The following DDIAS variants were observed in gnomAD, a reference collection of about 807,000 sequenced individuals.
DDIAS encodes DNA damage-induced apoptosis suppressor protein.
In DDIAS, 14 loss-of-function variants were observed where a neutral mutation model predicts 15.7. The observed-to-expected ratio is 0.89, with a 90% CI of 0.59 to 1.39. DDIAS has a LOEUF of 1.39. DDIAS is among the 40% of genes most tolerant of loss of function. The pLI, the probability that DDIAS is intolerant of heterozygous loss-of-function variation, is 0.00. For synonymous variants in DDIAS, 355 were observed against 395.9 expected (o/e 0.90, Z 1.23); for missense variants, 1,035 against 1,130.9 (o/e 0.92, Z 1.22).
At chr11:82,923,279 C>T (rs1165830324) in intron 3 of DDIAS, among the ~76,000 whole-genome samples, 1 of 152,236 alleles carries the variant, frequency 6.6e-6, no homozygotes, top group East Asian at 1.9e-4. Flanking sequence ...AATCCTGGTG[C>T]TTATCTTTTC....
At chr11:82,929,643 G>A (rs1005338191) in intron 4 of DDIAS, among the ~76,000 whole-genome samples, 1 of 149,154 alleles carries the variant, frequency 6.7e-6, no homozygotes, top group African/African-American at 2.5e-5. Flanking sequence ...GGCAGAGCTT[G>A]TAGTGAGCCA....
intron 3 of DDIAS, among the ~76,000 whole-genome samples, 178 bp from the exon 4 acceptor site, chr11:82,928,599 A>G (rs1860918310): frequency 6.6e-6 from 1 of 152,146 alleles, no homozygotes; most frequent in South Asian, 2.1e-4. Context: ...CAGTAACGCT[A>G]ACTATTCTGA....
intron 3 of DDIAS, among the ~76,000 whole-genome samples, chr11:82,922,917 A>G (rs1303627090): frequency 1.3e-5 from 2 of 152,054 alleles, no homozygotes; most frequent in Non-Finnish European, 2.9e-5. Flanking sequence ...TTTCCTATGG[A>G]TGTAGCTTCC....
chr11:82,928,121 A>G (rs1245393612), intron 3 of DDIAS, among the ~76,000 whole-genome samples: 2 of 150,188 alleles, frequency 1.3e-5, no homozygotes, highest in Non-Finnish European at 3.0e-5. Context: ...GAAAAATGCA[A>G]TTAAGTGCTT....
chr11:82,928,177 C>CTTTT (rs541845327), intron 3 of DDIAS, among the ~76,000 whole-genome samples: 379 of 34,218 alleles, frequency 0.011, 102 homozygotes, highest in Non-Finnish European at 0.016. Context: ...TTTTTGTCCT[C>CTTTT]TTTTTTTTTT....
At chr11:82,923,136 G>A (rs1055767768) in intron 3 of DDIAS, among the ~76,000 whole-genome samples, 1 of 152,130 alleles carries the variant, frequency 6.6e-6, no homozygotes, top group Non-Finnish European at 1.5e-5. Context: ...AGGGTCTGTG[G>A]GTCCTCTTGG....
intron 5 of DDIAS, 37 bp from the exon 6 acceptor site, chr11:82,931,694 AT>A: frequency 6.6e-7 from 1 of 1,523,730 alleles, no homozygotes; most frequent in Non-Finnish European, 8.8e-7. Context: ...ATGGAAGACA[AT>A]TTTATTCTTA....
chr11:82,912,084 G>A (rs1157801284), intron 1 of DDIAS, among the ~76,000 whole-genome samples: 2 of 152,182 alleles, frequency 1.3e-5, no homozygotes, highest in Admixed American at 6.5e-5. Flanking sequence ...CACAAGCAGA[G>A]TAGATTCAGC....
At chr11:82,920,728 G>T (rs1860729725) in intron 3 of DDIAS, among the ~76,000 whole-genome samples, 1 of 152,058 alleles carries the variant, frequency 6.6e-6, no homozygotes. Context: ...TTCCACTATG[G>T]CCTGAGAGAG....
rs772553267 is a variant in DDIAS, at chr11:82,932,406, C to T, written c.1068C>T (p.Phe356=). 6.2e-7 allele frequency: 1 copy of T among 1,614,120 alleles called. No homozygotes were observed. The highest frequency in any genetic ancestry group is 8.5e-7 in the Non-Finnish European group (1 of 1,180,010). The change falls in exon 6 of 6, where the codon TTC becomes TTT. Residue 356 remains phenylalanine, a synonymous_variant. Coordinates refer to ENST00000533655, the MANE Select transcript of DDIAS (RefSeq NM_145018.4). ...EPLESSNTKS[F]HSAVEIKNRS... is the part of the protein sequence containing the mutation. ...TTGAGTCAAGTAATACAAAATCCTT[C>T]CACAGTGCAGTGGAAATTAAAAATA...
chr11:82,903,714 A>G (rs1445135412), intron 1 of DDIAS, among the ~76,000 whole-genome samples: 1 of 152,204 alleles, frequency 6.6e-6, no homozygotes, highest in East Asian at 1.9e-4. Flanking sequence ...GTGCCATTGG[A>G]GGAGACCATT....
Position 82,933,787 on chromosome 11 carries a change from C to T in DDIAS, c.2449C>T (p.Gln817Ter), listed in dbSNP as rs1861056566. The change falls in exon 6 of 6, where the codon CAG becomes TAG. Residue 817 changes from glutamine to a stop codon, truncating the protein, a stop_gained. Coordinates refer to ENST00000533655, the MANE Select transcript of DDIAS (RefSeq NM_145018.4). LOFTEE classifies it low-confidence loss of function (END_TRUNC). ...AAGGATTTTCCCTGAAAATGACAAA[C>T]AGCAAGCCAGCCCAAGCTGTCCAAA... ...KIRIFPENDK[Q>*]QASPSCPKNI... is the part of the protein sequence containing the mutation. The T allele has an allele frequency of 3.1e-6, 5 of 1,612,014 alleles. No homozygotes were observed. In the East Asian group the frequency reaches 8.9e-5, roughly 29 times the overall value.
chr11:82,926,184 A>G (rs1191138626), intron 3 of DDIAS, among the ~76,000 whole-genome samples: 1 of 149,344 alleles, frequency 6.7e-6, no homozygotes, highest in Non-Finnish European at 1.5e-5. Context: ...CTGCCGCCTG[A>G]GCTCAAGCAA....
chr11:82,912,892 T>C (rs1428701831), intron 1 of DDIAS, among the ~76,000 whole-genome samples: 1 of 152,144 alleles, frequency 6.6e-6, no homozygotes, highest in Admixed American at 6.5e-5. Flanking sequence ...AATTTCAATA[T>C]TGTTGTGTCT....
At chr11:82,908,027 T>C (rs1361595452) in intron 1 of DDIAS, among the ~76,000 whole-genome samples, 1 of 152,108 alleles carries the variant, frequency 6.6e-6, no homozygotes, top group Non-Finnish European at 1.5e-5. Context: ...GTTAGTACCA[T>C]GAAGGATAAA....
At position 82,933,806 on chromosome 11, in the gene DDIAS, G is replaced by A; in HGVS notation, c.2468G>A (p.Cys823Tyr). ...ENDKQQASPS[C>Y]PKNIKTPSQK... Reference sequence around the variant, plus strand: ...GACAAACAGCAAGCCAGCCCAAGCTGTCCAAAAAATATAAAAACACCTAGC... The same window carrying A: ...GACAAACAGCAAGCCAGCCCAAGCTATCCAAAAAATATAAAAACACCTAGC... The change falls in exon 6 of 6, where the codon TGT becomes TAT. Residue 823 changes from cysteine (C) to tyrosine (Y), a missense_variant. Transcript: ENST00000533655. 2 of 1,613,290 alleles carry A rather than the reference G, an allele frequency of 1.2e-6. No homozygotes were observed. Among genetic ancestry groups the A allele is most frequent in the Non-Finnish European group, 1.7e-6 (2 of 1,179,864 alleles).
intron 1 of DDIAS, among the ~76,000 whole-genome samples, chr11:82,903,474 A>G (rs559436924): frequency 1.3e-5 from 2 of 152,274 alleles, no homozygotes; most frequent in Admixed American, 6.5e-5. Context: ...CTCATAAATG[A>G]TATCAATGGA....
chr11:82,925,652 T>C (rs1223482275), intron 3 of DDIAS, among the ~76,000 whole-genome samples: 4 of 151,866 alleles, frequency 2.6e-5, no homozygotes, highest in Non-Finnish European at 5.9e-5. Flanking sequence ...GTTCTATGGA[T>C]CTAATGTACA....
At chr11:82,929,500 G>A (rs989867699) in intron 4 of DDIAS, among the ~76,000 whole-genome samples, 1 of 152,090 alleles carries the variant, frequency 6.6e-6, no homozygotes, top group Admixed American at 6.6e-5. Context: ...TCAGGAGATG[G>A]AGACCATCCT....
Sources: gnomAD v4.1 joint callset for allele counts (sites outside exome capture counted in the v4.1 genomes callset) on GRCh38, gnomAD v4.1.1 for gene constraint, MANE v1.5 for transcripts, NCBI Gene and HGNC (gene_info 2026-07-23, HGNC 2026-07-21) for gene names.